The following SYNPR variants were observed in gnomAD, a reference collection of about 807,000 sequenced individuals.
SYNPR encodes the protein synaptoporin.
Under a neutral mutation model 32.9 loss-of-function variants are expected in SYNPR, and 23 were observed. The observed-to-expected ratio is 0.70, with a 90% CI of 0.50 to 0.99. SYNPR has a LOEUF of 0.99. Among genes scored for constraint, SYNPR ranks in the 50% least tolerant of loss-of-function variants. The probability of loss-of-function intolerance (pLI) is 0.00; values close to 1 mark genes in which losing one functional copy is unlikely to be tolerated. For synonymous variants in SYNPR, 146 were observed against 135.9 expected, an observed-to-expected ratio of 1.07 and a Z score of -0.52; for missense variants, 318 against 349.3, an observed-to-expected ratio of 0.91 and a Z score of 0.71.
the SYNPR span, among the ~76,000 whole-genome samples, chr3:63,221,276 G>A: frequency 2.6e-4 from 40 of 152,006 alleles, no homozygotes; most frequent in Non-Finnish European, 5.3e-4. Context: ...ATTTCACCTA[G>A]GGAAAGAATA....
intron 2 of SYNPR, among the ~76,000 whole-genome samples, chr3:63,428,784 T>A (rs964844031): frequency 6.6e-6 from 1 of 152,228 alleles, no homozygotes; most frequent in African/African-American, 2.4e-5. Context: ...CCATGATGAC[T>A]TGGAAAAGTT....
chr3:63,448,964 T>G (rs1394895008), intron 2 of SYNPR, among the ~76,000 whole-genome samples: 1 of 152,220 alleles, frequency 6.6e-6, no homozygotes, highest in Non-Finnish European at 1.5e-5. Flanking sequence ...CTGATGTGAT[T>G]ATTGTCTGCT....
chr3:63,460,623 G>A (rs75676818), intron 2 of SYNPR, among the ~76,000 whole-genome samples: 2,415 of 143,704 alleles, frequency 0.017, 72 homozygotes, highest in African/African-American at 0.06. Flanking sequence ...AGGCAATATT[G>A]CAAGTAATTT....
At chr3:63,593,055 T>C (rs1699866299) in intron 4 of SYNPR, among the ~76,000 whole-genome samples, 1 of 152,090 alleles carries the variant, frequency 6.6e-6, no homozygotes, top group South Asian at 2.1e-4. Context: ...TGATAATTCC[T>C]ATTCTAAAAA....
chr3:63,426,256 T>TA (rs1472121105), intron 2 of SYNPR, among the ~76,000 whole-genome samples: 1 of 152,232 alleles, frequency 6.6e-6, no homozygotes, highest in African/African-American at 2.4e-5. Flanking sequence ...TCTCAAACGT[T>TA]ATTCTTTTAA....
chr3:63,302,163 C>G (rs1475580216), intron 2 of SYNPR, among the ~76,000 whole-genome samples: 2 of 152,014 alleles, frequency 1.3e-5, no homozygotes, highest in Non-Finnish European at 2.9e-5. Flanking sequence ...TCCAGTTATT[C>G]CTCTGTTTAT....
chr3:63,421,336 A>G (rs1233914921), intron 2 of SYNPR, among the ~76,000 whole-genome samples: 1 of 151,974 alleles, frequency 6.6e-6, no homozygotes, highest in Non-Finnish European at 1.5e-5. Context: ...TGTAATAGCC[A>G]AAAAACTGGA....
intron 2 of SYNPR, among the ~76,000 whole-genome samples, chr3:63,330,907 G>A (rs1306929132): frequency 7.2e-5 from 11 of 152,002 alleles, no homozygotes; most frequent in Admixed American, 7.2e-4. Flanking sequence ...CATTAGATAA[G>A]GAAGAAAAGT....
chr3:63,494,393 T>TTATATATATATATATATATATATACG (rs1701315732), intron 3 of SYNPR, among the ~76,000 whole-genome samples: 1 of 54,942 alleles, frequency 1.8e-5, no homozygotes, highest in Non-Finnish European at 3.8e-5. Flanking sequence ...ATGTTAATTC[T>TTATATATATATATATATATATATACG]TATATATATA....
At chr3:63,316,231 G>A (rs1000936438) in intron 2 of SYNPR, among the ~76,000 whole-genome samples, 2 of 151,988 alleles carry the variant, frequency 1.3e-5, no homozygotes, top group Non-Finnish European at 2.9e-5. Context: ...TTGGGTATTA[G>A]GGTGATGCTG....
intron 4 of SYNPR, among the ~76,000 whole-genome samples, chr3:63,583,724 A>G (rs1328997972): frequency 6.6e-6 from 1 of 152,120 alleles, no homozygotes; most frequent in African/African-American, 2.4e-5. Flanking sequence ...TTACGTACCA[A>G]AGGCTTTCAT....
the SYNPR span, among the ~76,000 whole-genome samples, chr3:63,219,531 A>T: frequency 6.6e-6 from 1 of 152,154 alleles, no homozygotes; most frequent in Non-Finnish European, 1.5e-5. Flanking sequence ...CACACCCAAA[A>T]ATCCAAGTAT....
intron 4 of SYNPR, among the ~76,000 whole-genome samples, chr3:63,568,021 T>A (rs1014312046): frequency 6.6e-6 from 1 of 152,188 alleles, no homozygotes; most frequent in Non-Finnish European, 1.5e-5. Flanking sequence ...CAGAAAATAA[T>A]GTAGACTATT....
At chr3:63,421,357 TGTTA>T (rs1445033153) in intron 2 of SYNPR, among the ~76,000 whole-genome samples, 2 of 151,580 alleles carry the variant, frequency 1.3e-5, no homozygotes, top group African/African-American at 4.8e-5. Context: ...AACCACCAAC[TGTTA>T]ATTAAAAGAT....
chr3:63,527,292 A>T (rs1030587917), intron 3 of SYNPR, among the ~76,000 whole-genome samples: 4 of 152,084 alleles, frequency 2.6e-5, no homozygotes, highest in Non-Finnish European at 1.5e-5. Context: ...GGCATTTCTG[A>T]TGATAGTGTC....
chr3:63,589,711 T>C (rs1431420767), intron 4 of SYNPR, among the ~76,000 whole-genome samples: 2 of 148,240 alleles, frequency 1.3e-5, no homozygotes, highest in African/African-American at 5.0e-5. Context: ...AACCACATGA[T>C]TATCTCAATA....
At chr3:63,591,804 G>T (rs1332703760) in intron 4 of SYNPR, among the ~76,000 whole-genome samples, 3 of 115,374 alleles carry the variant, frequency 2.6e-5, no homozygotes, top group African/African-American at 1.0e-4. Context: ...TGGGGACTGT[G>T]GTGGGGTGGG....
intron 3 of SYNPR, among the ~76,000 whole-genome samples, chr3:63,552,979 T>G (rs1702529519): frequency 6.6e-6 from 1 of 152,172 alleles, no homozygotes; most frequent in Admixed American, 6.5e-5. Context: ...TTTTTTCTAT[T>G]TCAACTTTTA....
chr3:63,230,618 T>C (rs1253321888), intron 1 of SYNPR, among the ~76,000 whole-genome samples: 1 of 152,022 alleles, frequency 6.6e-6, no homozygotes, highest in Non-Finnish European at 1.5e-5. Context: ...TGGAGCAGAG[T>C]GGTTAAGAGC....
Sources: allele counts gnomAD v4.1 joint callset (sites outside exome capture counted in the v4.1 genomes callset), GRCh38; gene constraint gnomAD v4.1.1; transcripts MANE v1.5; gene names NCBI Gene and HGNC (gene_info 2026-07-23, HGNC 2026-07-21).